FSHR: variants seen among roughly 807,000 people sequenced by gnomAD.
FSHR encodes the protein follicle-stimulating hormone receptor.
In FSHR, 46 loss-of-function variants were observed where a neutral mutation model predicts 52.1. The observed-to-expected ratio is 0.88, with a 90% confidence interval of 0.70 to 1.13. FSHR has a LOEUF of 1.13. Ranked by LOEUF, FSHR falls within the 50% of genes most tolerant of loss-of-function variation. The pLI, the probability that FSHR is intolerant of heterozygous loss-of-function variation, is 0.00. For missense variants in FSHR, 964 were observed against 834.6 expected (o/e 1.16, Z -1.91); for synonymous variants, 399 against 309.6 (o/e 1.29, Z -3.03).
intron 1 of FSHR, among the ~76,000 whole-genome samples, chr2:49,139,886 C>T (rs1013257257): frequency 3.9e-4 from 60 of 152,116 alleles, no homozygotes; most frequent in Non-Finnish European, 1.9e-4. Flanking sequence ...GCGTGAGCCA[C>T]CGCACCCAGC....
chr2:49,128,726 G>A (rs1672153854), intron 1 of FSHR, among the ~76,000 whole-genome samples: 3 of 151,762 alleles, frequency 2.0e-5, no homozygotes, highest in African/African-American at 7.3e-5. Flanking sequence ...GGAGAAGAGA[G>A]GACAGAAACA....
intron 1 of FSHR, among the ~76,000 whole-genome samples, chr2:49,146,797 TG>T (rs1172736964): frequency 1.3e-5 from 2 of 152,040 alleles, no homozygotes; most frequent in Non-Finnish European, 2.9e-5. Flanking sequence ...ATCCTCAATT[TG>T]TGGATCTTTC....
chr2:49,032,508 A>G (rs544973038), intron 2 of FSHR, among the ~76,000 whole-genome samples: 2 of 152,350 alleles, frequency 1.3e-5, no homozygotes, highest in East Asian at 3.9e-4. Flanking sequence ...TTCAAGGAGC[A>G]TCTAACTTAA....
At chr2:49,094,891 T>G (rs993278875) in intron 1 of FSHR, among the ~76,000 whole-genome samples, 1 of 151,986 alleles carries the variant, frequency 6.6e-6, no homozygotes, top group African/African-American at 2.4e-5. Flanking sequence ...GACACTTTGA[T>G]AAAACTAGCT....
Position 49,152,793 on chromosome 2 carries a change from C to G in FSHR, c.152+1473G>C, listed in dbSNP as rs552471414. Among the ~76,000 whole-genome samples, 13 of 152,264 alleles carry G rather than the reference C, an allele frequency of 8.5e-5. No homozygotes were observed. The South Asian group carries it at 2.5e-3, about 29-fold the overall frequency. Reference sequence around the variant, plus strand: ...TAGTGTTCACAACAATTCAACCAAGCAGGTTGTACTAAAATGGCTTCAGAA... The same window carrying G: ...TAGTGTTCACAACAATTCAACCAAGGAGGTTGTACTAAAATGGCTTCAGAA... On this transcript the variant is annotated intron_variant, in intron 1 of 9. Coordinates refer to ENST00000406846, the MANE Select transcript of FSHR (RefSeq NM_000145.4).
At chr2:49,102,845 C>CTA (rs1558442367) in intron 1 of FSHR, among the ~76,000 whole-genome samples, 2 of 104,828 alleles carry the variant, frequency 1.9e-5, no homozygotes, top group African/African-American at 8.1e-5. Flanking sequence ...AGGATTTCTG[C>CTA]CACGGTTTGT....
intron 2 of FSHR, among the ~76,000 whole-genome samples, chr2:49,060,293 C>T (rs1472556475): frequency 6.6e-6 from 1 of 152,014 alleles, no homozygotes. Flanking sequence ...TTATTCAAAA[C>T]ACTGCAAATA....
At chr2:49,149,593 C>T (rs1157158014) in intron 1 of FSHR, among the ~76,000 whole-genome samples, 1 of 152,010 alleles carries the variant, frequency 6.6e-6, no homozygotes, top group East Asian at 1.9e-4. Flanking sequence ...ACTCTTAAGA[C>T]ATCACAGAAC....
At chr2:49,006,980 A>C (rs1387796299) in intron 4 of FSHR, among the ~76,000 whole-genome samples, 2 of 152,146 alleles carry the variant, frequency 1.3e-5, no homozygotes, top group Non-Finnish European at 2.9e-5. Context: ...TTAGTTGGAG[A>C]GACTAATAGC....
At chr2:49,134,748 C>A (rs569596621) in intron 1 of FSHR, among the ~76,000 whole-genome samples, 4 of 152,086 alleles carry the variant, frequency 2.6e-5, no homozygotes, top group South Asian at 2.1e-4. Context: ...AAAAATGATG[C>A]GTTCATGTCC....
intron 6 of FSHR, among the ~76,000 whole-genome samples, chr2:48,985,979 C>T (rs561662436): frequency 6.6e-6 from 1 of 152,250 alleles, no homozygotes; most frequent in East Asian, 1.9e-4. Context: ...TCCCAAAGTG[C>T]TGGGATTACA....
intron 2 of FSHR, among the ~76,000 whole-genome samples, chr2:49,067,635 A>G (rs1669557411): frequency 6.6e-6 from 1 of 152,110 alleles, no homozygotes. Context: ...CCCCACTTTG[A>G]GAAAACCATG....
intron 2 of FSHR, among the ~76,000 whole-genome samples, chr2:49,046,571 C>T (rs1171838721): frequency 6.6e-6 from 1 of 152,170 alleles, no homozygotes; most frequent in Non-Finnish European, 1.5e-5. Flanking sequence ...AAAATAATCA[C>T]ACAACAAATG....
At chr2:49,130,323 C>G (rs1672218169) in intron 1 of FSHR, among the ~76,000 whole-genome samples, 1 of 152,150 alleles carries the variant, frequency 6.6e-6, no homozygotes, top group Non-Finnish European at 1.5e-5. Context: ...GCTCTGCTCC[C>G]ATTTTGCTAT....
At chr2:49,080,818 A>C (rs1231021035) in intron 1 of FSHR, among the ~76,000 whole-genome samples, 1 of 152,106 alleles carries the variant, frequency 6.6e-6, no homozygotes, top group Non-Finnish European at 1.5e-5. Flanking sequence ...TATGCAAACC[A>C]ACTAATCCAA....
intron 1 of FSHR, among the ~76,000 whole-genome samples, chr2:49,127,823 C>CA (rs1672088224): frequency 2.2e-5 from 1 of 45,070 alleles, no homozygotes; most frequent in African/African-American, 9.9e-5. Context: ...TCTTCTTCTT[C>CA]TTCTTCCTCT....
rs554599523 is a variant in FSHR at position 48,991,101 on chromosome 2, A to T, written c.375-464T>A. 9.9e-4 allele frequency among the ~76,000 whole-genome samples: 150 copies of T among 151,812 alleles called. 1 individual carries two copies. Among genetic ancestry groups the T allele is most frequent in the Non-Finnish European group, 6.6e-4 (45 of 67,926 alleles). ...ATGTGACCTAAGCTGGGCCAATCAGACTCTCTCCTGGGAACTGGTTAGAGG... is the reference window on the plus strand; with the variant it reads ...ATGTGACCTAAGCTGGGCCAATCAGTCTCTCTCCTGGGAACTGGTTAGAGG... On this transcript the variant is annotated intron_variant, in intron 4 of 9. Coordinates refer to ENST00000406846, the MANE Select transcript of FSHR (RefSeq NM_000145.4).
At chr2:48,988,703 C>G (rs1234554670) in intron 6 of FSHR, among the ~76,000 whole-genome samples, 2 of 152,204 alleles carry the variant, frequency 1.3e-5, no homozygotes, top group East Asian at 1.9e-4. Flanking sequence ...ATGAGTTATT[C>G]TTTCCTTTGG....
chr2:49,065,547 G>T (rs1297298465), intron 2 of FSHR, among the ~76,000 whole-genome samples: 1 of 152,034 alleles, frequency 6.6e-6, no homozygotes, highest in South Asian at 2.1e-4. Flanking sequence ...ATGGGAATAC[G>T]AGAAATTTAA....
Sources: gnomAD v4.1 joint callset for allele counts (sites outside exome capture counted in the v4.1 genomes callset) on GRCh38, gnomAD v4.1.1 for gene constraint, MANE v1.5 for transcripts, NCBI Gene and HGNC (gene_info 2026-07-23, HGNC 2026-07-21) for gene names.